FXYD7: variants seen among roughly 807,000 people sequenced by gnomAD.
FXYD7 encodes FXYD domain containing ion transport regulator 7, also known as FXYD domain-containing ion transport regulator 7.
In FXYD7, 7 loss-of-function variants were observed where a neutral mutation model predicts 15.3. That is an observed-to-expected ratio of 0.46 (90% CI 0.26 to 0.86). FXYD7 has a LOEUF of 0.86. Ranked by LOEUF, FXYD7 falls within the 40% of genes least tolerant of loss-of-function variation. The probability of loss-of-function intolerance (pLI) is 0.16; values close to 1 mark genes in which losing one functional copy is unlikely to be tolerated. For missense variants in FXYD7, 78 were observed against 100.6 expected (o/e 0.78, Z 0.96); for synonymous variants, 39 against 39.3 (o/e 0.99, Z 0.03).
chr19:35,147,264 A>T (rs1003839704), intron 1 of FXYD7, among the ~76,000 whole-genome samples: 59 of 152,178 alleles, frequency 3.9e-4, no homozygotes, highest in Non-Finnish European at 1.8e-4. Flanking sequence ...ACCTCCAGGG[A>T]GCCATCCATC....
At chr19:35,153,426 G>A (rs989252767) in intron 5 of FXYD7, among the ~76,000 whole-genome samples, 2 of 152,194 alleles carry the variant, frequency 1.3e-5, no homozygotes, top group Admixed American at 1.3e-4. Flanking sequence ...GGGGCAGCAT[G>A]GGGGTTGGCC....
intron 5 of FXYD7, among the ~76,000 whole-genome samples, chr19:35,152,218 C>G (rs544991049): frequency 8.3e-5 from 12 of 145,346 alleles, no homozygotes; most frequent in Admixed American, 6.9e-5. Flanking sequence ...GATGCTAAAC[C>G]GTGGGGAGGC....
At chr19:35,146,069 T>C (rs1205579739) in intron 1 of FXYD7, among the ~76,000 whole-genome samples, 3 of 152,350 alleles carry the variant, frequency 2.0e-5, no homozygotes, top group South Asian at 4.1e-4. Flanking sequence ...TGGGCCACCA[T>C]GCCCAACCCA....
At chr19:35,151,551 A>G (rs1045644239) in intron 4 of FXYD7, 69 bp downstream of exon 4, 3 of 1,574,544 alleles carry the variant, frequency 1.9e-6, no homozygotes, top group Non-Finnish European at 2.6e-6. Flanking sequence ...GGCAGGATCC[A>G]CTGGGCCTGC....
At chr19:35,151,363 C>T (rs1431390944) in intron 3 of FXYD7, 35 bp downstream of exon 3, 2 of 1,597,112 alleles carry the variant, frequency 1.3e-6, no homozygotes, top group South Asian at 2.2e-5. Context: ...GCCTCAGCCT[C>T]CGCTTCCTCT....
intron 5 of FXYD7, among the ~76,000 whole-genome samples, chr19:35,151,936 C>G (rs1032550935): frequency 6.6e-6 from 1 of 151,658 alleles, no homozygotes; most frequent in South Asian, 2.1e-4. Flanking sequence ...GTCAGGAGAT[C>G]GAGATCAGCC....
chr19:35,148,584 C>T, intron 1 of FXYD7, 110 bp from the exon 2 acceptor site: 1 of 930,062 alleles, frequency 1.1e-6, no homozygotes, highest in Non-Finnish European at 1.6e-6. Flanking sequence ...TATCTGACTT[C>T]CACAAAGAAA....
chr19:35,149,845 A>G (rs1414982957), intron 2 of FXYD7: 1 of 152,236 alleles, frequency 6.6e-6, no homozygotes, highest in Non-Finnish European at 1.5e-5. Context: ...CTGTAATGCT[A>G]GTGCTTTGGG....
At chr19:35,151,128 C>CCA in intron 2 of FXYD7, 126 bp from the exon 3 acceptor site, 1 of 756,090 alleles carries the variant, frequency 1.3e-6, no homozygotes, top group South Asian at 1.5e-5. Flanking sequence ...GAAGGAGTGT[C>CCA]CAGCACAGTC....
chr19:35,149,910 T>C (rs1040897532), intron 2 of FXYD7, among the ~76,000 whole-genome samples: 5 of 152,084 alleles, frequency 3.3e-5, no homozygotes, highest in East Asian at 1.9e-4. Context: ...CAATGAACTA[T>C]GATCGTGATT....
intron 1 of FXYD7, among the ~76,000 whole-genome samples, chr19:35,146,139 A>G (rs1568405208): frequency 6.8e-6 from 1 of 147,960 alleles, no homozygotes; most frequent in East Asian, 2.0e-4. Flanking sequence ...TGGAAAATTA[A>G]TCTTCTTTTT....
At position 35,151,809 on chromosome 19, in the gene FXYD7, A is replaced by C. The variant is rs1311392637; in HGVS notation, c.220+136A>C. On this transcript the variant is annotated intron_variant, in intron 5 of 5. Transcript: ENST00000270310. ...TGGTGCCTGCAGATATCACAGGACAATTCCCTAGGAAGCTGAGGAAATTCC... is the reference window on the plus strand; with the variant it reads ...TGGTGCCTGCAGATATCACAGGACACTTCCCTAGGAAGCTGAGGAAATTCC... 8.2e-6 allele frequency: 6 copies of C among 732,904 alleles called. No homozygotes were observed. The African/African-American group carries it at 8.7e-5, about 11-fold the overall frequency. 45.4% of individuals were successfully genotyped at this position (732,904 alleles called of 1,614,324 possible).
chr19:35,148,077 AAGAAAGAAAG>A (rs1159639057), intron 1 of FXYD7, among the ~76,000 whole-genome samples: 6 of 127,816 alleles, frequency 4.7e-5, no homozygotes, highest in Non-Finnish European at 6.6e-5. Flanking sequence ...GAAAGAAAGA[AAGAAAGAAAG>A]AAAGAAAGAG....
At chr19:35,144,678 C>G (rs2065282595) in intron 1 of FXYD7, among the ~76,000 whole-genome samples, 2 of 143,890 alleles carry the variant, frequency 1.4e-5, no homozygotes, top group African/African-American at 5.2e-5. Flanking sequence ...GGAAGCTACC[C>G]TAGGGAGGGG....
rs1207317817 is a variant in FXYD7, at chr19:35,143,704, G to T, written c.31+340G>T. On this transcript the variant is annotated intron_variant, in intron 1 of 5. Transcript: ENST00000270310. This position sits in a 1 kb window ranked among gnomAD's most constrained non-coding sequence, Gnocchi z 4.3. ...GAGATGAGCTTGCAGGGTGGGAGCG[G>T]GTGGGTCTGCGACCAGAGACGTTCT... Among the ~76,000 whole-genome samples the T allele has an allele frequency of 1.3e-5, 2 of 152,196 alleles. No individual in the cohort carries two copies. Among genetic ancestry groups the T allele is most frequent in the Non-Finnish European group, 2.9e-5 (2 of 68,038 alleles).
chr19:35,153,033 C>CTTTGTTTTGTTTTTTTTTTTT lies in FXYD7; in HGVS notation c.221-858_221-857insGTTTTGTTTTTTTTTTTTTTT, dbSNP rs1555737607. 1.1e-4 allele frequency among the ~76,000 whole-genome samples: 5 copies of CTTTGTTTTGTTTTTTTTTTTT among 44,144 alleles called. 1 individual carries two copies. Among genetic ancestry groups the CTTTGTTTTGTTTTTTTTTTTT allele is most frequent in the Non-Finnish European group, 1.9e-4 (5 of 25,810 alleles). 29.0% of individuals were successfully genotyped at this position (44,144 alleles called of 152,430 possible). A position where few individuals can be genotyped will look rare whatever the true frequency, so the allele number is the denominator to read the frequency against. On this transcript the variant is annotated intron_variant, in intron 5 of 5. Transcript: ENST00000270310. ...TTGGTGTGGAATTTGTTTCACGTTC[C>CTTTGTTTTGTTTTTTTTTTTT]TTTTTTTTTTTTTTTTTTTTTTTTT...
At chr19:35,149,226 A>C in intron 2 of FXYD7, 1 of 353,630 alleles carries the variant, frequency 2.8e-6, no homozygotes, top group South Asian at 2.1e-5. Flanking sequence ...GGCCTGGTAG[A>C]TCGGGCTCCA....
chr19:35,145,188 C>A (rs1001330308), intron 1 of FXYD7, among the ~76,000 whole-genome samples: 1 of 152,156 alleles, frequency 6.6e-6, no homozygotes, highest in African/African-American at 2.4e-5. Context: ...CCTGGGGTGG[C>A]GGGACCTATC....
intron 1 of FXYD7, among the ~76,000 whole-genome samples, chr19:35,144,849 A>G (rs963835019): frequency 2.0e-5 from 3 of 151,972 alleles, no homozygotes; most frequent in African/African-American, 7.3e-5. Context: ...ATGACAGGGG[A>G]CCGCAGGTCT....
Sources: allele counts gnomAD v4.1 joint callset (sites outside exome capture counted in the v4.1 genomes callset), GRCh38; gene constraint gnomAD v4.1.1; non-coding constraint Gnocchi (gnomAD v3.1); transcripts MANE v1.5; gene names NCBI Gene and HGNC (gene_info 2026-07-23, HGNC 2026-07-21).